Variants in PNPLA8 observed in about 807,000 individuals in gnomAD.
PNPLA8 encodes patatin like domain 8, phospholipase A2, also known as calcium-independent phospholipase A2-gamma.
In PNPLA8, 39 loss-of-function variants were observed where a neutral mutation model predicts 76.9. The observed-to-expected ratio is 0.51, with a 90% CI of 0.39 to 0.66. PNPLA8 has a LOEUF of 0.66. Ranked by LOEUF, PNPLA8 falls within the 30% of genes least tolerant of loss-of-function variation. The pLI is 0.00. For synonymous variants in PNPLA8, 301 were observed against 307.9 expected, an observed-to-expected ratio of 0.98 and a Z score of 0.24; for missense variants, 887 against 918.0, an observed-to-expected ratio of 0.97 and a Z score of 0.44.
In PNPLA8 at chr7:108,487,770, C is replaced by A; in HGVS notation, c.1867G>T (p.Asp623Tyr). 1 of 1,596,428 alleles carries A rather than the reference C, an allele frequency of 6.3e-7. No homozygotes were observed. Among genetic ancestry groups the A allele is most frequent in the South Asian group, 1.1e-5 (1 of 87,590 alleles). The change falls in exon 9 of 11, where the codon GAT (aspartate) becomes TAT (tyrosine). Residue 623 changes from aspartate (D) to tyrosine (Y), a missense_variant. Physicochemically the swap from Asp to Tyr is radical, Grantham distance 160. Transcript: ENST00000257694. ...ACAAGTCAACTTACTTGATGAAGAT[C>A]ATTTCCCAATGCATATTCTGCAAAG... Reference protein sequence around the residue: ...GYFAEYALGNDLHQDGGLLLN... With the variant: ...GYFAEYALGNYLHQDGGLLLN...
chr7:108,506,206 C>T (rs778186443), intron 4 of PNPLA8, among the ~76,000 whole-genome samples: 1 of 151,994 alleles, frequency 6.6e-6, no homozygotes, highest in African/African-American at 2.4e-5. Context: ...GGTGAAACCC[C>T]GTCTCTACTA....
rs961534065 is a variant in PNPLA8, at chr7:108,493,110, T to C, written c.1626-1643A>G. Reference sequence around the variant, plus strand: ...CAGAGTCATGAGACTAAATCATCATTGTTTTAAGCCACTAAGTTTTGGAGT... The same window carrying C: ...CAGAGTCATGAGACTAAATCATCATCGTTTTAAGCCACTAAGTTTTGGAGT... On this transcript the variant is annotated intron_variant, in intron 7 of 10. Coordinates refer to ENST00000257694, the MANE Select transcript of PNPLA8 (RefSeq NM_001256007.3). Among the ~76,000 whole-genome samples the C allele has an allele frequency of 2.3e-4, 35 of 152,192 alleles. 1 individual carries two copies. The highest frequency in any genetic ancestry group is 3.2e-3 in the Middle Eastern group (1 of 316).
chr7:108,480,283 G>A (rs181693314), intron 9 of PNPLA8, among the ~76,000 whole-genome samples: 128 of 152,284 alleles, frequency 8.4e-4, no homozygotes, highest in Middle Eastern at 3.4e-3. Flanking sequence ...TGGGAGAATT[G>A]CTTGAGCCCG....
chr7:108,478,400 T>G (rs915999597), intron 10 of PNPLA8, among the ~76,000 whole-genome samples: 1 of 151,080 alleles, frequency 6.6e-6, no homozygotes, highest in Non-Finnish European at 1.5e-5. Context: ...TTGTTTTTGG[T>G]TTTTTTTTGA....
At position 108,479,269 on chromosome 7, in the gene PNPLA8, A is replaced by G. The variant is rs768102281; in HGVS notation, c.1989T>C (p.Tyr663=). 2 of 1,613,244 alleles carry G rather than the reference A, an allele frequency of 1.2e-6. No homozygotes were observed. The highest frequency in any genetic ancestry group is 1.1e-5 in the South Asian group (1 of 91,060). The change falls in exon 10 of 11, where the codon TAT becomes TAC. Residue 663 remains tyrosine, a synonymous_variant. Transcript: ENST00000257694. The part of the protein sequence containing the change: ...ECIVSLGTGR[Y]ESDVRNTVTY... ...TTACCGTGTTTCTCACATCACTCTCATAACGTCCAGTGCCCAGGGATACTA... is the reference window on the plus strand; with the variant it reads ...TTACCGTGTTTCTCACATCACTCTCGTAACGTCCAGTGCCCAGGGATACTA...
At chr7:108,513,107 T>C (rs1221806602) in intron 4 of PNPLA8, among the ~76,000 whole-genome samples, 2 of 152,166 alleles carry the variant, frequency 1.3e-5, no homozygotes, top group African/African-American at 4.8e-5. Context: ...GAAATAAATT[T>C]CTGTTGTTTA....
At position 108,479,260 on chromosome 7, in the gene PNPLA8, A is replaced by G; in HGVS notation, c.1998T>C (p.Asp666=). The G allele has an allele frequency of 1.2e-6, 2 of 1,613,484 alleles. No individual in the cohort carries two copies. The highest frequency in any genetic ancestry group is 1.7e-6 in the Non-Finnish European group (2 of 1,179,384). Residue 666 remains aspartate (D), a synonymous_variant, in exon 10 of 11, where the codon GAT becomes GAC. Coordinates refer to ENST00000257694, the MANE Select transcript of PNPLA8 (RefSeq NM_001256007.3). ...VSLGTGRYES[D]VRNTVTYTSL... Reference sequence around the variant, plus strand: ...TTGTGTATGTTACCGTGTTTCTCACATCACTCTCATAACGTCCAGTGCCCA... The same window carrying G: ...TTGTGTATGTTACCGTGTTTCTCACGTCACTCTCATAACGTCCAGTGCCCA...
chr7:108,519,601 T>C (rs940974598), intron 2 of PNPLA8, among the ~76,000 whole-genome samples: 2 of 152,140 alleles, frequency 1.3e-5, no homozygotes, highest in African/African-American at 4.8e-5. Context: ...TTTAGAATTA[T>C]CTAAAGGAAG....
intron 9 of PNPLA8, among the ~76,000 whole-genome samples, chr7:108,481,540 A>C (rs993642864): frequency 2.0e-5 from 3 of 152,120 alleles, no homozygotes; most frequent in African/African-American, 7.2e-5. Flanking sequence ...TTTGGCTCAC[A>C]TTGTTAAATT....
chr7:108,486,859 C>T (rs978335206), intron 9 of PNPLA8, among the ~76,000 whole-genome samples: 1 of 151,856 alleles, frequency 6.6e-6, no homozygotes, highest in Non-Finnish European at 1.5e-5. Context: ...AGATATCTGA[C>T]CAAATAAAGA....
chr7:108,504,516 G>A (rs1162119246), intron 4 of PNPLA8, among the ~76,000 whole-genome samples: 1 of 152,148 alleles, frequency 6.6e-6, no homozygotes, highest in African/African-American at 2.4e-5. Flanking sequence ...CATATGTCAT[G>A]GCTTGGAAAC....
At chr7:108,525,652 G>A (rs1166845706) in intron 1 of PNPLA8, among the ~76,000 whole-genome samples, 1 of 152,208 alleles carries the variant, frequency 6.6e-6, no homozygotes, top group Admixed American at 6.5e-5. Flanking sequence ...GTAGACTAGG[G>A]AAACCCTCCT....
At chr7:108,492,227 G>A (rs1296593147) in intron 7 of PNPLA8, among the ~76,000 whole-genome samples, 1 of 152,100 alleles carries the variant, frequency 6.6e-6, no homozygotes, top group Non-Finnish European at 1.5e-5. Flanking sequence ...TAGAATATTA[G>A]TGAACTTCAT....
chr7:108,502,543 GATCCAC>G lies in PNPLA8; in HGVS notation c.1300_1305del (p.Val434_Asp435del). 1 of 1,611,748 alleles carries G rather than the reference GATCCAC, an allele frequency of 6.2e-7. No individual in the cohort carries two copies. The highest frequency in any genetic ancestry group is 8.5e-7 in the Non-Finnish European group (1 of 1,179,018). ...ATTCGGATTCCTCTCCCTTTCACTG[GATCCAC>G]ATAGCCAATTAGGGCCAAAATTTCT... is the stretch of plus-strand genomic sequence containing the variant. On this transcript the variant is annotated inframe_deletion, in exon 5 of 11. Transcript: ENST00000257694.
intron 4 of PNPLA8, among the ~76,000 whole-genome samples, chr7:108,503,574 G>A (rs1263873495): frequency 3.3e-5 from 5 of 152,056 alleles, no homozygotes; most frequent in Non-Finnish European, 5.9e-5. Context: ...ACAGATCAAC[G>A]CTCACATCAA....
In PNPLA8 at chr7:108,472,502, T is replaced by C; in HGVS notation, c.2248A>G (p.Lys750Glu). 1.2e-6 allele frequency: 2 copies of C among 1,610,022 alleles called. No individual in the cohort carries two copies. The highest frequency in any genetic ancestry group is 2.7e-5 in the African/African-American group (2 of 74,736). Reference sequence around the variant, plus strand: ...GTTGTTTTTTCTTGACTTAATATTTTTGCAACTTTTTTCATTTTTTGTTCA... The same window carrying C: ...GTTGTTTTTTCTTGACTTAATATTTCTGCAACTTTTTTCATTTTTTGTTCA... ...RNEQKMKKVA[K>E]ILSQEKTTLQ... Residue 750 changes from lysine (K) to glutamate (E), a missense_variant, in exon 11 of 11, where the codon AAA becomes GAA. Coordinates refer to ENST00000257694, the MANE Select transcript of PNPLA8 (RefSeq NM_001256007.3).
At chr7:108,474,780 T>C (rs1178611762) in intron 10 of PNPLA8, among the ~76,000 whole-genome samples, 1 of 152,260 alleles carries the variant, frequency 6.6e-6, no homozygotes, top group African/African-American at 2.4e-5. Flanking sequence ...TTACATACCA[T>C]TGATTTATAT....
chr7:108,527,761 G>C (rs1217573210), upstream of PNPLA8: 1 of 152,106 alleles, frequency 6.6e-6, no homozygotes, highest in East Asian at 1.9e-4. Context: ...TCAAGGCTAG[G>C]AGATACTCTC....
At chr7:108,525,789 C>A (rs1230471125) in intron 1 of PNPLA8, among the ~76,000 whole-genome samples, 1 of 152,158 alleles carries the variant, frequency 6.6e-6, no homozygotes, top group African/African-American at 2.4e-5. Context: ...AAACCAAATA[C>A]GGTTTGCGCT....
Sources: gnomAD v4.1 joint callset for allele counts (sites outside exome capture counted in the v4.1 genomes callset) on GRCh38, gnomAD v4.1.1 for gene constraint, MANE v1.5 for transcripts, NCBI Gene and HGNC (gene_info 2026-07-23, HGNC 2026-07-21) for gene names.